MAGI2: variants seen among roughly 807,000 people sequenced by gnomAD.
The protein encoded by MAGI2 is membrane associated guanylate kinase, WW and PDZ domain containing 2.
A neutral mutation model predicts 133.3 loss-of-function variants in MAGI2; 35 were observed. The observed-to-expected ratio is 0.26, with a 90% CI of 0.20 to 0.35. The LOEUF is 0.35. MAGI2 is among the 10% of genes least tolerant of loss of function. MAGI2 has a pLI of 1.00. For synonymous variants in MAGI2, 729 were observed against 710.6 expected, an observed-to-expected ratio of 1.03 and a Z score of -0.41; for missense variants, 1,636 against 1,863.4, an observed-to-expected ratio of 0.88 and a Z score of 2.25.
At chr7:78,170,009 C>T (rs1361324066) in intron 14 of MAGI2, among the ~76,000 whole-genome samples, 1 of 152,220 alleles carries the variant, frequency 6.6e-6, no homozygotes, top group Non-Finnish European at 1.5e-5. Flanking sequence ...ACAAATGTTT[C>T]TCCACTGTCC....
At chr7:78,758,591 T>C (rs1824189734) in intron 2 of MAGI2, among the ~76,000 whole-genome samples, 1 of 152,222 alleles carries the variant, frequency 6.6e-6, no homozygotes, top group Non-Finnish European at 1.5e-5. Flanking sequence ...CATGCACATC[T>C]GTGTGAGAAG....
At chr7:78,585,477 G>A (rs552969001) in intron 3 of MAGI2, among the ~76,000 whole-genome samples, 45 of 152,296 alleles carry the variant, frequency 3.0e-4, no homozygotes, top group African/African-American at 1.1e-3. Flanking sequence ...TGCCTGATAC[G>A]TAGTTGAAAG....
Position 78,125,592 on chromosome 7 carries a change from C to T in MAGI2, c.3567+102G>A, listed in dbSNP as rs1328176301. The T allele has an allele frequency of 4.7e-6, 6 of 1,273,354 alleles. No homozygotes were observed. The South Asian group carries it at 8.3e-5, about 18-fold the overall frequency. The allele number at this position is 1,273,354 out of a possible 1,614,324, so 78.9% of individuals were successfully genotyped here. On this transcript the variant is annotated intron_variant, in intron 20 of 21. Coordinates refer to ENST00000354212, the MANE Select transcript of MAGI2 (RefSeq NM_012301.4). ...ATCATCAACTAGAAAGAGGGCAAAC[C>T]TACAGCAACCCCGCTTGACAGCATG...
At chr7:78,189,124 G>A (rs1827973172) in intron 12 of MAGI2, among the ~76,000 whole-genome samples, 1 of 152,150 alleles carries the variant, frequency 6.6e-6, no homozygotes, top group Admixed American at 6.5e-5. Context: ...AAACCTGGTA[G>A]TTTAGAAATA....
intron 2 of MAGI2, among the ~76,000 whole-genome samples, chr7:78,767,715 A>G (rs1366650041): frequency 6.6e-6 from 1 of 152,208 alleles, no homozygotes; most frequent in Non-Finnish European, 1.5e-5. Context: ...TTAGAGTAAA[A>G]TATGTTTGCC....
chr7:78,565,845 A>T (rs1421958349), intron 3 of MAGI2, among the ~76,000 whole-genome samples: 1 of 152,196 alleles, frequency 6.6e-6, no homozygotes, highest in Admixed American at 6.5e-5. Flanking sequence ...GTCAAATAGC[A>T]TTTAGGAAGC....
intron 2 of MAGI2, among the ~76,000 whole-genome samples, chr7:78,870,971 C>T (rs2151521244): frequency 6.6e-6 from 1 of 152,250 alleles, no homozygotes; most frequent in Admixed American, 6.5e-5. Context: ...ATTATATGTT[C>T]TCACTTATAA....
At chr7:79,085,188 G>T (rs1816380101) in intron 1 of MAGI2, among the ~76,000 whole-genome samples, 1 of 151,522 alleles carries the variant, frequency 6.6e-6, no homozygotes, top group South Asian at 2.1e-4. Context: ...CTGTTGCTCA[G>T]ACTGAAAATT....
chr7:79,366,623 G>T (rs1403131647), intron 1 of MAGI2, among the ~76,000 whole-genome samples: 1 of 152,062 alleles, frequency 6.6e-6, no homozygotes, highest in Non-Finnish European at 1.5e-5. Context: ...ATCTGGTTTT[G>T]ATCTTATCCT....
chr7:78,853,170 C>A (rs1378980595), intron 2 of MAGI2, among the ~76,000 whole-genome samples: 1 of 151,658 alleles, frequency 6.6e-6, no homozygotes, highest in Non-Finnish European at 1.5e-5. Flanking sequence ...GTGGCTCATG[C>A]CTGTAATCCC....
intron 6 of MAGI2, among the ~76,000 whole-genome samples, chr7:78,476,759 T>C (rs1209968206): frequency 6.6e-6 from 1 of 151,946 alleles, no homozygotes; most frequent in Non-Finnish European, 1.5e-5. Flanking sequence ...AACAGTAACA[T>C]GGATAGCTGT....
intron 21 of MAGI2, among the ~76,000 whole-genome samples, chr7:78,032,009 C>CTTTTTTTTTTTTTTTTTTTTTTTTT (rs377672697): frequency 1.6e-5 from 2 of 124,200 alleles, no homozygotes; most frequent in Non-Finnish European, 1.7e-5. Context: ...AGCCCCCCCA[C>CTTTTTTTTTTTTTTTTTTTTTTTTT]TTTTTTTTTT....
chr7:79,201,564 T>C (rs1828619487), intron 1 of MAGI2, among the ~76,000 whole-genome samples: 1 of 151,910 alleles, frequency 6.6e-6, no homozygotes, highest in African/African-American at 2.4e-5. Context: ...TGGGATCTGT[T>C]GACCTGAAAT....
chr7:79,296,519 T>C (rs779454565), intron 1 of MAGI2, among the ~76,000 whole-genome samples: 2 of 152,064 alleles, frequency 1.3e-5, no homozygotes, highest in Non-Finnish European at 1.5e-5. Context: ...CAGAACAAAA[T>C]CCTATCATTT....
intron 1 of MAGI2, among the ~76,000 whole-genome samples, chr7:79,226,751 T>C (rs1295021516): frequency 6.6e-6 from 1 of 152,142 alleles, no homozygotes; most frequent in African/African-American, 2.4e-5. Flanking sequence ...GCTCATAGTA[T>C]TATAGTGAAA....
Position 79,171,771 on chromosome 7 carries a change from T to TATA in MAGI2, c.302-164566_302-164565insTAT, listed in dbSNP as rs1554394312. ...ATATATATATATATATATATATATA[T>TATA]TTTTTTTTTTTTTTTCTTTTAAAGG... is the stretch of plus-strand genomic sequence containing the variant. On this transcript the variant is annotated intron_variant, in intron 1 of 21. Transcript: ENST00000354212. Among the ~76,000 whole-genome samples the TATA allele has an allele frequency of 3.4e-3, 68 of 20,042 alleles. 1 individual carries two copies. Among genetic ancestry groups the TATA allele is most frequent in the Middle Eastern group, 0.071 (1 of 14 alleles). The allele number at this position is 20,042 out of a possible 152,430, so 13.1% of individuals were successfully genotyped here.
intron 3 of MAGI2, among the ~76,000 whole-genome samples, chr7:78,620,698 A>T (rs1028264982): frequency 6.6e-6 from 1 of 151,976 alleles, no homozygotes; most frequent in Non-Finnish European, 1.5e-5. Context: ...CAGATGCCTA[A>T]ATAACTTGCT....
chr7:78,127,252 C>G lies in MAGI2; in HGVS notation c.3368G>C (p.Arg1123Thr). ...DYRQPPLLDYRQHSPDTRQYP... is the reference protein window; with the variant it reads ...DYRQPPLLDYTQHSPDTRQYP... ...CTGCCTGGTGTCGGGGGAGTGCTGC[C>G]TGTAGTCCAGTAGGGGAGGCTGCCT... The change falls in exon 19 of 22, where the codon AGG becomes ACG. Residue 1123 changes from arginine (R) to threonine (T), a missense_variant. By Grantham distance (71) the Arg-to-Thr change is moderately conservative. Coordinates refer to ENST00000354212, the MANE Select transcript of MAGI2 (RefSeq NM_012301.4). The G allele has an allele frequency of 1.2e-6, 2 of 1,608,028 alleles. No homozygotes were observed. Among genetic ancestry groups the G allele is most frequent in the Non-Finnish European group, 1.7e-6 (2 of 1,177,036 alleles).
intron 1 of MAGI2, among the ~76,000 whole-genome samples, chr7:79,042,092 A>G (rs2116914230): frequency 6.6e-6 from 1 of 152,318 alleles, no homozygotes; most frequent in African/African-American, 2.4e-5. Context: ...CACAATATAC[A>G]TATCTGACAA....
Sources: gnomAD v4.1 joint callset for allele counts (sites outside exome capture counted in the v4.1 genomes callset) on GRCh38, gnomAD v4.1.1 for gene constraint, MANE v1.5 for transcripts, NCBI Gene and HGNC (gene_info 2026-07-23, HGNC 2026-07-21) for gene names.